The following BANP variants were observed in gnomAD, a reference collection of about 807,000 sequenced individuals.
The protein encoded by BANP is BTG3 associated nuclear protein.
A neutral mutation model predicts 68.1 loss-of-function variants in BANP; 11 were observed. That is an observed-to-expected ratio of 0.16 (90% CI 0.10 to 0.27). BANP has a LOEUF of 0.27. Ranked by LOEUF, BANP falls within the 10% of genes least tolerant of loss-of-function variation. The probability of loss-of-function intolerance (pLI) is 1.00; values close to 1 mark genes in which losing one functional copy is unlikely to be tolerated. For missense variants in BANP, 504 were observed against 722.7 expected (o/e 0.70, Z 3.47); for synonymous variants, 329 against 303.2 (o/e 1.09, Z -0.88).
chr16:88,026,230 C>T (rs915826770), intron 7 of BANP, among the ~76,000 whole-genome samples: 2 of 152,166 alleles, frequency 1.3e-5, no homozygotes, highest in African/African-American at 4.8e-5. Flanking sequence ...TGGCTTTGGC[C>T]CCACAGTGAG....
At chr16:87,981,384 C>G (rs1257491675) in intron 3 of BANP, among the ~76,000 whole-genome samples, 1 of 152,230 alleles carries the variant, frequency 6.6e-6, no homozygotes, top group Admixed American at 6.5e-5. Context: ...CCTTCCTCTT[C>G]ATGTTGCGGC....
intron 5 of BANP, among the ~76,000 whole-genome samples, chr16:88,005,214 G>A (rs909421492): frequency 1.3e-5 from 2 of 152,202 alleles, no homozygotes; most frequent in African/African-American, 4.8e-5. Flanking sequence ...GCCAGGGTCA[G>A]CTGTGCCTCA....
intron 1 of BANP, among the ~76,000 whole-genome samples, chr16:87,958,303 G>C (rs1013288107): frequency 3.3e-5 from 5 of 152,300 alleles, no homozygotes; most frequent in East Asian, 1.9e-4. Flanking sequence ...CCAGTGTTAA[G>C]AATACTGGAT....
chr16:88,007,591 G>T (rs893192951), intron 6 of BANP, among the ~76,000 whole-genome samples: 1 of 152,242 alleles, frequency 6.6e-6, no homozygotes, highest in Admixed American at 6.5e-5. Flanking sequence ...AGCTTTGTGC[G>T]TGGAGTTGTA....
At chr16:88,035,213 C>G (rs963906507) in intron 9 of BANP, 110 bp from the exon 10 acceptor site, 66 of 1,053,598 alleles carry the variant, frequency 6.3e-5, no homozygotes, top group Non-Finnish European at 7.1e-5. Context: ...ATTTAGTTAT[C>G]TTTTTGAATT....
chr16:88,001,339 C>G (rs1022556641), intron 4 of BANP, among the ~76,000 whole-genome samples: 1 of 151,518 alleles, frequency 6.6e-6, no homozygotes, highest in African/African-American at 2.4e-5. Flanking sequence ...GATACCCAGA[C>G]ACGTCTCCAT....
intron 12 of BANP, among the ~76,000 whole-genome samples, chr16:88,066,113 A>G (rs1307121119): frequency 6.6e-6 from 1 of 152,220 alleles, no homozygotes; most frequent in Non-Finnish European, 1.5e-5. Flanking sequence ...GCCTCAGGGC[A>G]GACGGGGCTT....
rs139003055 is a variant in BANP at position 88,018,501 on chromosome 16, C to G, written c.729C>G (p.Pro243=). The G allele has an allele frequency of 6.2e-7, 1 of 1,613,582 alleles. No individual in the cohort carries two copies. Among genetic ancestry groups the G allele is most frequent in the Admixed American group, 1.7e-5 (1 of 60,018 alleles). The change falls in exon 7 of 14, where the codon CCC becomes CCG. Residue 243 remains proline (P), a synonymous_variant. Coordinates refer to ENST00000682872, the MANE Select transcript of BANP (RefSeq NM_001386991.1). The surrounding 1 kb of genome is among the most constrained non-coding windows in gnomAD (Gnocchi z 7.7). ...PEMRVRCAII[P]SDMLHISTNC... is the part of the protein sequence containing the mutation. ...TGCGGGTACGCTGCGCCATCATCCCCTCCGACATGCTGCACATCAGCACCA... is the reference window on the plus strand; with the variant it reads ...TGCGGGTACGCTGCGCCATCATCCCGTCCGACATGCTGCACATCAGCACCA...
In BANP at chr16:88,064,500, A is replaced by T. The variant is rs536064434; in HGVS notation, c.1312-767A>T. 6.6e-5 allele frequency among the ~76,000 whole-genome samples: 10 copies of T among 152,362 alleles called. No individual in the cohort carries two copies. In the East Asian group the frequency reaches 1.9e-3, roughly 29 times the overall value. Reference sequence around the variant, plus strand: ...AAAACAACCCACCTGCCTCCCACGGACAGATGCTCCCAGGATGCGGCTAGG... The same window carrying T: ...AAAACAACCCACCTGCCTCCCACGGTCAGATGCTCCCAGGATGCGGCTAGG... On this transcript the variant is annotated intron_variant, in intron 11 of 13. Transcript: ENST00000682872. The surrounding 1 kb of genome is among the most constrained non-coding windows in gnomAD (Gnocchi z 4.5).
chr16:87,979,093 C>A (rs1175188100), intron 2 of BANP, among the ~76,000 whole-genome samples: 1 of 152,120 alleles, frequency 6.6e-6, no homozygotes, highest in Non-Finnish European at 1.5e-5. Context: ...GTTAGAACTG[C>A]AGGACGATTC....
intron 11 of BANP, 95 bp from the exon 12 acceptor site, chr16:88,065,172 C>T (rs2088167910): frequency 3.3e-6 from 2 of 611,856 alleles, no homozygotes; most frequent in Admixed American, 2.6e-5. Context: ...TACCGGAGGG[C>T]AGAAGCCCAT....
At chr16:88,053,623 A>G (rs1410311352) in intron 11 of BANP, among the ~76,000 whole-genome samples, 3 of 137,024 alleles carry the variant, frequency 2.2e-5, no homozygotes, top group Admixed American at 7.3e-5. Context: ...TACCACCCCC[A>G]CCTCCTTCAC....
intron 11 of BANP, among the ~76,000 whole-genome samples, chr16:88,058,940 T>G (rs1315807929): frequency 1.3e-5 from 2 of 152,160 alleles, no homozygotes; most frequent in African/African-American, 2.4e-5. Flanking sequence ...TCCTTCTGCC[T>G]CCTGGTGGGC....
intron 4 of BANP, among the ~76,000 whole-genome samples, chr16:87,985,787 C>T (rs866336027): frequency 8.5e-5 from 13 of 152,300 alleles, no homozygotes; most frequent in South Asian, 2.1e-4. Context: ...GTTCAGCCCC[C>T]AGCTGGTGAT....
At chr16:88,029,298 C>G (rs1226954709) in intron 8 of BANP, among the ~76,000 whole-genome samples, 51 of 95,532 alleles carry the variant, frequency 5.3e-4, no homozygotes, top group African/African-American at 2.0e-3. Flanking sequence ...CAGAGCGAGA[C>G]TGTATCTCAA....
intron 12 of BANP, among the ~76,000 whole-genome samples, chr16:88,065,654 C>T (rs2088337235): frequency 6.6e-6 from 1 of 152,148 alleles, no homozygotes; most frequent in Non-Finnish European, 1.5e-5. Flanking sequence ...ATCTTTTGTT[C>T]AGAAAACTGA....
At chr16:88,044,339 A>G (rs985220230) in intron 11 of BANP, among the ~76,000 whole-genome samples, 8 of 152,162 alleles carry the variant, frequency 5.3e-5, no homozygotes, top group African/African-American at 1.9e-4. Context: ...ACAACAGGCC[A>G]CAGCGAGAAG....
At chr16:88,065,576 C>G (rs1361184737) in intron 12 of BANP, among the ~76,000 whole-genome samples, 1 of 152,164 alleles carries the variant, frequency 6.6e-6, no homozygotes, top group African/African-American at 2.4e-5. Flanking sequence ...GCACAGCGAG[C>G]TGGGGTGAGA....
intron 4 of BANP, among the ~76,000 whole-genome samples, chr16:87,986,834 C>G (rs2064561618): frequency 6.6e-6 from 1 of 152,076 alleles, no homozygotes; most frequent in South Asian, 2.1e-4. Flanking sequence ...TCCAGTTAAC[C>G]CAGATGTGTG....
Sources: gnomAD v4.1 joint callset for allele counts (sites outside exome capture counted in the v4.1 genomes callset) on GRCh38, gnomAD v4.1.1 for gene constraint, Gnocchi (gnomAD v3.1) non-coding constraint, MANE v1.5 for transcripts, NCBI Gene and HGNC (gene_info 2026-07-23, HGNC 2026-07-21) for gene names.